The following YBX1 variants were observed in gnomAD, a reference collection of about 807,000 sequenced individuals.
YBX1 encodes Y-box binding protein 1.
In YBX1, 3 loss-of-function variants were observed where a neutral mutation model predicts 41.4. The ratio of observed to expected loss-of-function variants is 0.07; its 90% CI spans 0.03 to 0.19. YBX1 has a LOEUF of 0.19. Among genes scored for constraint, YBX1 ranks in the 10% least tolerant of loss-of-function variants. The pLI is 1.00. For synonymous variants in YBX1, 133 were observed against 165.8 expected (o/e 0.80, Z 1.52); for missense variants, 274 against 462.8 (o/e 0.59, Z 3.74).
chr1:42,698,957 A>G (rs1650527322), intron 6 of YBX1, among the ~76,000 whole-genome samples: 1 of 152,216 alleles, frequency 6.6e-6, no homozygotes, highest in African/African-American at 2.4e-5. Context: ...TGTGGGTTCA[A>G]GAGCAAACTG....
At chr1:42,682,849 G>A (rs1247141216) in intron 1 of YBX1, 118 bp downstream of exon 1, 2 of 528,998 alleles carry the variant, frequency 3.8e-6, no homozygotes, top group East Asian at 4.8e-5. Context: ...CGCGGCGCGC[G>A]GCCGCCCATC....
chr1:42,684,713 C>T (rs993966729), intron 2 of YBX1, among the ~76,000 whole-genome samples: 61 of 152,240 alleles, frequency 4.0e-4, no homozygotes, highest in African/African-American at 1.4e-3. Context: ...GCCGAAACTA[C>T]GTTTTTCATT....
intron 2 of YBX1, among the ~76,000 whole-genome samples, chr1:42,692,677 G>C (rs1037826737): frequency 2.0e-5 from 3 of 152,150 alleles, no homozygotes; most frequent in African/African-American, 7.2e-5. Flanking sequence ...TTCTCACTCT[G>C]ACCTGACGGA....
At chr1:42,691,662 T>C (rs1050099224) in intron 2 of YBX1, among the ~76,000 whole-genome samples, 2 of 152,138 alleles carry the variant, frequency 1.3e-5, no homozygotes, top group African/African-American at 4.8e-5. Context: ...AGTAGCATTA[T>C]CAGTAATGAA....
At chr1:42,697,946 A>G (rs1490962774) in intron 6 of YBX1, among the ~76,000 whole-genome samples, 2 of 152,204 alleles carry the variant, frequency 1.3e-5, no homozygotes, top group African/African-American at 2.4e-5. Flanking sequence ...TTGTTTCTCT[A>G]AGGGTTTGAT....
At chr1:42,698,563 T>A (rs1650516744) in intron 6 of YBX1, among the ~76,000 whole-genome samples, 1 of 152,186 alleles carries the variant, frequency 6.6e-6, no homozygotes, top group Non-Finnish European at 1.5e-5. Flanking sequence ...GCTTAAATGT[T>A]TTGCCTAGTT....
At chr1:42,690,611 T>C (rs1650306692) in intron 2 of YBX1, among the ~76,000 whole-genome samples, 1 of 152,176 alleles carries the variant, frequency 6.6e-6, no homozygotes, top group African/African-American at 2.4e-5. Flanking sequence ...CCAAGAAGAA[T>C]AGAAAGAAAG....
chr1:42,700,621 C>CCCA (rs1491369511), intron 6 of YBX1, among the ~76,000 whole-genome samples, 160 bp from the exon 7 acceptor site: 1 of 103,012 alleles, frequency 9.7e-6, no homozygotes. Context: ...CCCCCCCCCC[C>CCCA]AAAAAAAAAA....
At chr1:42,697,159 A>C (rs1401590337) in intron 5 of YBX1, 21 bp from the exon 6 acceptor site, 2 of 1,608,214 alleles carry the variant, frequency 1.2e-6, no homozygotes, top group East Asian at 4.5e-5. Context: ...CAGTAGGCTT[A>C]ATTTCCATTG....
At chr1:42,684,531 C>T (rs1184276046) in intron 2 of YBX1, among the ~76,000 whole-genome samples, 3 of 152,138 alleles carry the variant, frequency 2.0e-5, no homozygotes, top group African/African-American at 7.2e-5. Flanking sequence ...AGAATCATTG[C>T]CTGATGAAAA....
intron 2 of YBX1, among the ~76,000 whole-genome samples, chr1:42,686,499 C>T (rs1437937291): frequency 1.3e-5 from 2 of 152,190 alleles, no homozygotes; most frequent in Admixed American, 6.5e-5. Context: ...TTTTTTACGA[C>T]AGCCTTCACG....
intron 1 of YBX1, chr1:42,683,070 G>A (rs1329891146): frequency 2.0e-6 from 1 of 488,536 alleles, no homozygotes; most frequent in South Asian, 1.6e-5. Flanking sequence ...CCCCCACCCA[G>A]CTCCCTTCCG....
chr1:42,699,083 T>C (rs1055886196), intron 6 of YBX1, among the ~76,000 whole-genome samples: 1 of 152,166 alleles, frequency 6.6e-6, no homozygotes, highest in Non-Finnish European at 1.5e-5. Flanking sequence ...ATAACATTTA[T>C]AGGCTGAAAT....
At chr1:42,685,379 A>T (rs1650169818) in intron 2 of YBX1, among the ~76,000 whole-genome samples, 1 of 152,210 alleles carries the variant, frequency 6.6e-6, no homozygotes. Flanking sequence ...TTGTCAAATT[A>T]ACTGGTTAAA....
chr1:42,691,844 A>T (rs1309730000), intron 2 of YBX1, among the ~76,000 whole-genome samples: 1 of 151,842 alleles, frequency 6.6e-6, no homozygotes, highest in Non-Finnish European at 1.5e-5. Context: ...AGTGCTCCCT[A>T]TCTTTGGAAA....
In YBX1 at chr1:42,688,086, T is replaced by C. The variant is rs1161154938; in HGVS notation, c.230+4620T>C. ...TCATCCGTGTTCACCAAGTCACTGA[T>C]ACGTGACTTGGAGAATACTAGTAGG... On this transcript the variant is annotated intron_variant, in intron 2 of 7. Transcript: ENST00000321358. 6.6e-5 allele frequency among the ~76,000 whole-genome samples: 10 copies of C among 152,320 alleles called. No individual in the cohort carries two copies. In the South Asian group the frequency reaches 2.1e-3, roughly 32 times the overall value.
At chr1:42,683,925 G>A (rs1650126828) in intron 2 of YBX1, among the ~76,000 whole-genome samples, 1 of 152,092 alleles carries the variant, frequency 6.6e-6, no homozygotes, top group Admixed American at 6.5e-5. Flanking sequence ...CATCTTTACC[G>A]AGAGGTTGTA....
rs1650662139 is a variant in YBX1, at chr1:42,703,594, T to TTA, written c.*1645_*1646insTA. On this transcript the variant is annotated 3_prime_UTR_variant, in exon 8 of 8. Transcript: ENST00000321358. ...GCAAGAGTGCAGTGGACCTGAAACT[T>TTA]CAACTGTTGGTAGCATCTAAACTGT... Among the ~76,000 whole-genome samples the TTA allele has an allele frequency of 6.6e-6, 1 of 152,160 alleles. No homozygotes were observed. The highest frequency in any genetic ancestry group is 2.4e-5 in the African/African-American group (1 of 41,430).
Position 42,702,177 on chromosome 1 carries a change from A to T in YBX1, c.*228A>T, listed in dbSNP as rs991886296. ...TTTGGTAATAACAAACGTGTTTTTT[A>T]AAAAAGCCTGGTTTTTCTCAATACG... On this transcript the variant is annotated 3_prime_UTR_variant, in exon 8 of 8. Coordinates refer to ENST00000321358, the MANE Select transcript of YBX1 (RefSeq NM_004559.5). 6.5e-6 allele frequency: 1 copy of T among 152,780 alleles called. No homozygotes were observed. Among genetic ancestry groups the T allele is most frequent in the Non-Finnish European group, 1.5e-5 (1 of 68,034 alleles). 9.5% of individuals were successfully genotyped at this position (152,780 alleles called of 1,614,324 possible). A position where few individuals can be genotyped will look rare whatever the true frequency, so the allele number is the denominator to read the frequency against.
Sources: gnomAD v4.1 joint callset for allele counts (sites outside exome capture counted in the v4.1 genomes callset) on GRCh38, gnomAD v4.1.1 for gene constraint, MANE v1.5 for transcripts, NCBI Gene and HGNC (gene_info 2026-07-23, HGNC 2026-07-21) for gene names.